CES5A: variants seen among roughly 807,000 people sequenced by gnomAD.
CES5A encodes the protein carboxylesterase 5A, also known as carboxylesterase 5.
Under a neutral mutation model 62.9 loss-of-function variants are expected in CES5A, and 67 were observed. The observed-to-expected ratio is 1.07, with a 90% CI of 0.88 to 1.31. The LOEUF (loss-of-function observed/expected upper bound fraction) is 1.31. CES5A is among the 50% of genes most tolerant of loss of function. The pLI, the probability that CES5A is intolerant of heterozygous loss-of-function variation, is 0.00. For missense variants in CES5A, 748 were observed against 708.5 expected (o/e 1.06, Z -0.63); for synonymous variants, 296 against 280.8 (o/e 1.05, Z -0.54).
intron 5 of CES5A, 37 bp downstream of exon 5, chr16:55,865,926 A>G (rs201053155): frequency 1.9e-5 from 31 of 1,612,438 alleles, no homozygotes; most frequent in Middle Eastern, 1.6e-4. Context: ...AACCTCCGGC[A>G]CTGAGATTCA....
upstream of CES5A, among the ~76,000 whole-genome samples, chr16:55,926,518 A>C (rs1367107744): frequency 1.3e-5 from 2 of 152,224 alleles, no homozygotes; most frequent in Non-Finnish European, 2.9e-5. Flanking sequence ...TAACTGAAGA[A>C]AAATGAGTGC....
intron 2 of CES5A, among the ~76,000 whole-genome samples, chr16:55,943,705 T>C (rs1266962261): frequency 6.6e-6 from 1 of 152,220 alleles, no homozygotes; most frequent in Admixed American, 6.5e-5. Flanking sequence ...CACTCTGGGC[T>C]GAAAACAGTT....
At chr16:55,928,767 T>C (rs1189166353), upstream of CES5A, among the ~76,000 whole-genome samples, 1 of 152,220 alleles carries the variant, frequency 6.6e-6, no homozygotes, top group African/African-American at 2.4e-5. Context: ...GAGATGTCTA[T>C]GGTGTTGGCT....
At chr16:55,853,667 G>T (rs1302414569) in intron 9 of CES5A, among the ~76,000 whole-genome samples, 2 of 152,184 alleles carry the variant, frequency 1.3e-5, no homozygotes, top group Non-Finnish European at 2.9e-5. Context: ...CAGTTCTTTA[G>T]TCCTGTTGTT....
In CES5A at chr16:55,943,139, C is replaced by T. The variant is rs74019339; in HGVS notation, c.160+6646G>A. 6.5e-3 allele frequency among the ~76,000 whole-genome samples: 996 copies of T among 152,222 alleles called. 10 individuals are homozygous for T. The highest frequency in any genetic ancestry group is 0.023 in the African/African-American group (958 of 41,526). The stretch of plus-strand genomic sequence containing the variant: ...CATGAAATTGAACATTTTAGAGTTG[C>T]GCATTTCTATTGTATATAAATTTTA... On this transcript the variant is annotated intron_variant, in intron 2 of 13. Transcript: ENST00000521992.
intron 2 of CES5A, among the ~76,000 whole-genome samples, chr16:55,932,307 C>G (rs1255656217): frequency 6.6e-6 from 1 of 152,114 alleles, no homozygotes; most frequent in Non-Finnish European, 1.5e-5. Context: ...ACCTCCAAAA[C>G]TGAAAGAAAT....
chr16:55,942,746 CATAAT>C lies in CES5A; in HGVS notation c.160+7034_160+7038del, dbSNP rs1295214903. On this transcript the variant is annotated intron_variant, in intron 2 of 13. Transcript: ENST00000521992. ...AGAGGATGCTCATTGCAGTCTTAAT[CATAAT>C]ATCCAAAATTGGAAATAACTCAAAT... Among the ~76,000 whole-genome samples, 49 of 152,274 alleles carry C rather than the reference CATAAT, an allele frequency of 3.2e-4. 1 individual carries two copies. The highest frequency in any genetic ancestry group is 1.1e-3 in the African/African-American group (45 of 41,550).
At chr16:55,863,542 G>C in intron 5 of CES5A, 90 bp from the exon 6 acceptor site, 2 of 767,618 alleles carry the variant, frequency 2.6e-6, no homozygotes, top group South Asian at 1.5e-5. Flanking sequence ...TTCCCAGGAA[G>C]CCTCCTTAAA....
rs181638782 is a variant in CES5A at position 55,884,076 on chromosome 16, G to A, written c.-255-10039C>T. Among the ~76,000 whole-genome samples the A allele has an allele frequency of 7.8e-4, 119 of 152,226 alleles. 2 individuals are homozygous for A. The South Asian group carries it at 8.7e-3, about 11-fold the overall frequency. On this transcript the variant is annotated intron_variant, in intron 1 of 12. Transcript: ENST00000518005. ...CAAATAAACAACCATACATCCCTTC[G>A]GAAAAGAACTAGGAAAATTATCATG...
chr16:55,878,551 T>C (rs1320625595), upstream of CES5A, among the ~76,000 whole-genome samples: 1 of 151,646 alleles, frequency 6.6e-6, no homozygotes, highest in Non-Finnish European at 1.5e-5. Context: ...TAATGCCTCA[T>C]TGCAACCCCA....
chr16:55,899,530 G>A (rs1468161403), intron 1 of CES5A, among the ~76,000 whole-genome samples: 1 of 152,164 alleles, frequency 6.6e-6, no homozygotes, highest in Non-Finnish European at 1.5e-5. Flanking sequence ...ACTGTCTCCT[G>A]CAACACTGGT....
chr16:55,903,897 A>G (rs1213280402), intron 1 of CES5A, among the ~76,000 whole-genome samples: 6 of 152,292 alleles, frequency 3.9e-5, no homozygotes, highest in South Asian at 2.1e-4. Flanking sequence ...GTAAGGGGGG[A>G]AAAGGGAAAT....
At chr16:55,953,208 A>G (rs1424307740) in intron 1 of CES5A, among the ~76,000 whole-genome samples, 3 of 152,218 alleles carry the variant, frequency 2.0e-5, no homozygotes, top group African/African-American at 7.2e-5. Flanking sequence ...TTTTTATACA[A>G]TAGACCCACA....
At chr16:55,913,487 C>T (rs1434623946) in intron 1 of CES5A, among the ~76,000 whole-genome samples, 1 of 152,158 alleles carries the variant, frequency 6.6e-6, no homozygotes, top group Non-Finnish European at 1.5e-5. Flanking sequence ...CCTGCAAAAG[C>T]AGACTGGTCC....
At chr16:55,891,564 G>T (rs563901875) in intron 1 of CES5A, among the ~76,000 whole-genome samples, 2 of 152,274 alleles carry the variant, frequency 1.3e-5, no homozygotes, top group African/African-American at 4.8e-5. Context: ...TGGGGAAGGG[G>T]CTTCCAGGTC....
chr16:55,903,620 G>C (rs1477491745), intron 1 of CES5A, among the ~76,000 whole-genome samples: 1 of 152,194 alleles, frequency 6.6e-6, no homozygotes, highest in Non-Finnish European at 1.5e-5. Context: ...GACTAATAAG[G>C]AAGAAATAAG....
At chr16:55,884,984 C>T (rs1165947185) in intron 1 of CES5A, among the ~76,000 whole-genome samples, 6 of 152,056 alleles carry the variant, frequency 3.9e-5, no homozygotes, top group African/African-American at 1.4e-4. Flanking sequence ...GTCTGCCCTC[C>T]TACTACTGCT....
At chr16:55,906,226 C>A (rs543332458) in intron 1 of CES5A, among the ~76,000 whole-genome samples, 1 of 152,358 alleles carries the variant, frequency 6.6e-6, no homozygotes, top group African/African-American at 2.4e-5. Flanking sequence ...CAACGTCTGA[C>A]TGAGATTGTC....
intron 2 of CES5A, among the ~76,000 whole-genome samples, chr16:55,938,765 A>AAAT (rs1567362288): frequency 1.3e-4 from 5 of 39,204 alleles, no homozygotes; most frequent in East Asian, 8.2e-4. Flanking sequence ...AAAAAAAAAA[A>AAAT]ATATATATAT....
Sources: gnomAD v4.1 joint callset for allele counts (sites outside exome capture counted in the v4.1 genomes callset) on GRCh38, gnomAD v4.1.1 for gene constraint, MANE v1.5 for transcripts, NCBI Gene and HGNC (gene_info 2026-07-23, HGNC 2026-07-21) for gene names.